SEMA4G: variants seen among roughly 807,000 people sequenced by gnomAD.
The protein encoded by SEMA4G is semaphorin 4G.
A neutral mutation model predicts 81.2 loss-of-function variants in SEMA4G; 59 were observed. That is an observed-to-expected ratio of 0.73 (90% confidence interval 0.59 to 0.90). The LOEUF (loss-of-function observed/expected upper bound fraction) is 0.90. Among genes scored for constraint, SEMA4G ranks in the 40% least tolerant of loss-of-function variants. The pLI is 0.00. For missense variants in SEMA4G, 952 were observed against 1,102.3 expected (o/e 0.86, Z 1.93); for synonymous variants, 404 against 433.9 (o/e 0.93, Z 0.86).
At chr10:100,980,508 T>G in intron 10 of SEMA4G, 70 bp from the exon 12 acceptor site, 1 of 1,438,704 alleles carries the variant, frequency 7.0e-7, no homozygotes. Flanking sequence ...CTGTTCGTAT[T>G]AGGCCTCTTG....
At chr10:100,984,043 C>T in exon 14 of SEMA4G, 1 of 1,613,700 alleles carries the variant, frequency 6.2e-7, no homozygotes, top group East Asian at 2.2e-5. Context: ...CCAGCAGGGC[C>T]CTGCTCCTTC....
At chr10:100,972,511 T>C (rs890151034), upstream of SEMA4G, 13 of 181,244 alleles carry the variant, frequency 7.2e-5, no homozygotes, top group East Asian at 5.3e-4. Flanking sequence ...GGCTTTTTTT[T>C]CCCCGTTTTT....
chr10:100,980,617 G>C (rs770024953), exon 11 of SEMA4G: 2 of 1,614,168 alleles, frequency 1.2e-6, no homozygotes. Context: ...CTGGGCTCTG[G>C]GATGCACATT....
chr10:100,976,890 G>A (rs1283713768), intron 3 of SEMA4G, among the ~76,000 whole-genome samples: 1 of 152,182 alleles, frequency 6.6e-6, no homozygotes, highest in Non-Finnish European at 1.5e-5. Context: ...GTTGGGAGGA[G>A]CTATCAGGTA....
chr10:100,974,959 T>C, intron 3 of SEMA4G: 2 of 512,986 alleles, frequency 3.9e-6, no homozygotes, highest in Non-Finnish European at 7.9e-6. Context: ...TAAAAAATAA[T>C]TAAAAAAAAA....
At chr10:100,976,756 CAG>C (rs1424284815) in intron 3 of SEMA4G, among the ~76,000 whole-genome samples, 4 of 152,200 alleles carry the variant, frequency 2.6e-5, no homozygotes, top group African/African-American at 9.7e-5. Flanking sequence ...ACCTGGGAGA[CAG>C]GGATAAATGG....
intron 6 of SEMA4G, 49 bp from the exon 8 acceptor site, chr10:100,978,800 A>G: frequency 6.3e-7 from 1 of 1,598,116 alleles, no homozygotes; most frequent in Non-Finnish European, 8.6e-7. Flanking sequence ...AGTGAGGGAA[A>G]GGAATCCCCA....
chr10:100,969,798 A>T, upstream of SEMA4G: 1 of 445,478 alleles, frequency 2.2e-6, no homozygotes, highest in Non-Finnish European at 4.6e-6. Context: ...GCCACCACGG[A>T]GTCGGGGACC....
Position 100,973,704 on chromosome 10 carries a change from C to T in SEMA4G, c.336+95C>T, listed in dbSNP as rs2133859125. 4 of 1,107,166 alleles carry T rather than the reference C, an allele frequency of 3.6e-6. No individual in the cohort carries two copies. The highest frequency in any genetic ancestry group is 5.1e-5 in the East Asian group (2 of 39,556). 68.6% of individuals were successfully genotyped at this position (1,107,166 alleles called of 1,614,324 possible). On this transcript the variant is annotated intron_variant, in intron 3 of 13. Transcript: ENST00000370250. This position sits in a 1 kb window ranked among gnomAD's most constrained non-coding sequence, Gnocchi z 5.5. ...GGGGACACAGATGGGTAGGTACAGA[C>T]CTGCCAGTCAATCTCAGCAACCACA... is the stretch of plus-strand genomic sequence containing the variant.
At chr10:100,980,181 G>A (rs1471143694) in exon 10 of SEMA4G, 3 of 1,614,122 alleles carry the variant, frequency 1.9e-6, no homozygotes, top group Non-Finnish European at 2.5e-6. Flanking sequence ...TGCCATCCCT[G>A]GTCCTGGACT....
At position 100,983,155 on chromosome 10, in the gene SEMA4G, G is replaced by A. The variant is rs1436561758; in HGVS notation, c.1691-150G>A. Reference sequence around the variant, plus strand: ...GGAAGGGCCAACGTGAACCTTCTGTGGAAGCATGAGCACAGAGCCTGGGTC... The same window carrying A: ...GGAAGGGCCAACGTGAACCTTCTGTAGAAGCATGAGCACAGAGCCTGGGTC... On this transcript the variant is annotated intron_variant, in intron 13 of 13. Transcript: ENST00000370250. 5.2e-6 allele frequency: 5 copies of A among 964,256 alleles called. No homozygotes were observed. The East Asian group carries it at 1.1e-4, about 21-fold the overall frequency. The allele number at this position is 964,256 out of a possible 1,614,324, so 59.7% of individuals were successfully genotyped here.
At chr10:100,972,582 C>G (rs537435528) in exon 1 of SEMA4G, 68 of 245,280 alleles carry the variant, frequency 2.8e-4, no homozygotes, top group African/African-American at 1.3e-3. Context: ...CAGGGTGACC[C>G]CATCAGTAAC....
chr10:100,980,242 CG>C lies in SEMA4G; in HGVS notation c.1251del (p.Leu419CysfsTer41). On this transcript the variant is annotated frameshift_variant, in exon 10 of 14. Coordinates refer to ENST00000370250, the Ensembl canonical transcript of SEMA4G. LOFTEE classifies it high-confidence loss of function. ...TCGGCCCGTTGTGCCCACACGTGGA[CG>C]GCCCCTGCTGCTCAAGCGCAACATA... 1 of 1,614,236 alleles carries C rather than the reference CG, an allele frequency of 6.2e-7. No individual in the cohort carries two copies. Among genetic ancestry groups the C allele is most frequent in the East Asian group, 2.2e-5 (1 of 44,888 alleles).
Position 100,980,206 on chromosome 10 carries a change from CCACT to C in SEMA4G, c.1214_1217del (p.Pro405ArgfsTer54), listed in dbSNP as rs1422220691. 1.9e-6 allele frequency: 3 copies of C among 1,614,226 alleles called. No individual in the cohort carries two copies. Among genetic ancestry groups the C allele is most frequent in the South Asian group, 1.1e-5 (1 of 91,080 alleles). Reference sequence around the variant, plus strand: ...GGTCCTGGACTTTGTAAAGTTGCACCCACTGATGGCTCGGCCCGTTGTGCCCACA... The same window carrying C: ...GGTCCTGGACTTTGTAAAGTTGCACCGATGGCTCGGCCCGTTGTGCCCACA... On this transcript the variant is annotated frameshift_variant, in exon 10 of 14. Coordinates refer to ENST00000370250, the Ensembl canonical transcript of SEMA4G. LOFTEE classifies it high-confidence loss of function.
Position 100,973,677 on chromosome 10 carries a change from T to G in SEMA4G, c.336+68T>G. The stretch of plus-strand genomic sequence containing the variant: ...TCCTCAATCAGGGATGCCAGGATTG[T>G]TGGGGACACAGATGGGTAGGTACAG... On this transcript the variant is annotated intron_variant, in intron 3 of 13. Coordinates refer to ENST00000370250, the Ensembl canonical transcript of SEMA4G. The surrounding 1 kb of genome is among the most constrained non-coding windows in gnomAD (Gnocchi z 5.5). 4 of 1,456,562 alleles carry G rather than the reference T, an allele frequency of 2.7e-6. No individual in the cohort carries two copies. In the South Asian group the frequency reaches 3.6e-5, roughly 13 times the overall value. The allele number at this position is 1,456,562 out of a possible 1,614,324, so 90.2% of individuals were successfully genotyped here. A position where few individuals can be genotyped will look rare whatever the true frequency, so the allele number is the denominator to read the frequency against.
exon 14 of SEMA4G, chr10:100,984,766 T>C (rs1249568875): frequency 2.1e-5 from 32 of 1,536,004 alleles, no homozygotes; most frequent in Non-Finnish European, 2.5e-5. Context: ...TGTGGTGACC[T>C]CTTTGTCAAG....
exon 6 of SEMA4G, chr10:100,978,536 T>A (rs1850903953): frequency 1.9e-6 from 3 of 1,613,958 alleles, no homozygotes; most frequent in Non-Finnish European, 2.5e-6. Context: ...GATGGAGGCC[T>A]CTACACAGCC....
chr10:100,972,516 G>A (rs1373318589), upstream of SEMA4G: 5 of 177,894 alleles, frequency 2.8e-5, no homozygotes, highest in South Asian at 1.5e-4. Flanking sequence ...TTTTTTCCCC[G>A]TTTTTTCTTC....
exon 14 of SEMA4G, chr10:100,983,922 C>T: frequency 1.3e-6 from 2 of 1,585,806 alleles, no homozygotes; most frequent in Non-Finnish European, 1.7e-6. Flanking sequence ...ACCCCCACCG[C>T]CCCCACCGCC....
Sources: allele counts gnomAD v4.1 joint callset (sites outside exome capture counted in the v4.1 genomes callset), GRCh38; gene constraint gnomAD v4.1.1; non-coding constraint Gnocchi (gnomAD v3.1); transcripts MANE v1.5; gene names NCBI Gene and HGNC (gene_info 2026-07-23, HGNC 2026-07-21).